Variants in STAT3 observed in about 807,000 individuals in gnomAD.
STAT3 encodes DNA-binding protein APRF.
Under a neutral mutation model 114.3 loss-of-function variants are expected in STAT3, and 7 were observed. The ratio of observed to expected loss-of-function variants is 0.06; its 90% confidence interval spans 0.03 to 0.11. STAT3 has a LOEUF of 0.11. Among genes scored for constraint, STAT3 ranks in the 10% least tolerant of loss-of-function variants. The pLI is 1.00. For missense variants in STAT3, 364 were observed against 960.9 expected (o/e 0.38, Z 8.21); for synonymous variants, 331 against 354.5 (o/e 0.93, Z 0.74).
chr17:42,320,727 T>TA (rs756271214), intron 21 of STAT3, among the ~76,000 whole-genome samples: 6,232 of 59,896 alleles, frequency 0.1, 691 homozygotes, highest in African/African-American at 0.29. Context: ...AGACTTAGTC[T>TA]AAAAAAAAAA....
chr17:42,336,555 A>G (rs1475382250), intron 8 of STAT3, among the ~76,000 whole-genome samples: 1 of 152,168 alleles, frequency 6.6e-6, no homozygotes, highest in African/African-American at 2.4e-5. Context: ...CCATGACTGC[A>G]TAACTGTACT....
chr17:42,331,568 G>A (rs1255502086), intron 10 of STAT3, 37 bp from the exon 11 acceptor site: 3 of 1,524,588 alleles, frequency 2.0e-6, no homozygotes, highest in Admixed American at 1.7e-5. Flanking sequence ...AAAAAAGTCA[G>A]TAACTCTCCC....
chr17:42,322,096 T>C (rs1345188547), intron 21 of STAT3, among the ~76,000 whole-genome samples, 186 bp downstream of exon 21: 1 of 152,194 alleles, frequency 6.6e-6, no homozygotes, highest in Admixed American at 6.5e-5. Flanking sequence ...CTACTCTAAG[T>C]GATTCTGATT....
intron 21 of STAT3, among the ~76,000 whole-genome samples, chr17:42,321,328 T>C (rs1005545014): frequency 1.3e-5 from 2 of 151,692 alleles, no homozygotes; most frequent in East Asian, 1.9e-4. Flanking sequence ...TCTCACTATG[T>C]TGTCTAGGCT....
intron 1 of STAT3, among the ~76,000 whole-genome samples, chr17:42,351,270 G>C (rs2082942762): frequency 6.6e-6 from 1 of 151,564 alleles, no homozygotes; most frequent in Non-Finnish European, 1.5e-5. Context: ...ATTTTTTGGA[G>C]ACAGGCACTC....
rs188588928 is a variant in STAT3, at chr17:42,314,394, G to A, written c.*1351C>T. 1.5e-5 allele frequency: 3 copies of A among 206,414 alleles called. No individual in the cohort carries two copies. Among genetic ancestry groups the A allele is most frequent in the South Asian group, 2.0e-4 (1 of 5,078 alleles). 12.8% of individuals were successfully genotyped at this position (206,414 alleles called of 1,614,324 possible). The stretch of plus-strand genomic sequence containing the variant: ...CCCCTCTTCTTCCATGAGGTCCTGA[G>A]ACCAGGATTCCTAAAACAAACAGGA... On this transcript the variant is annotated 3_prime_UTR_variant, in exon 24 of 24. Coordinates refer to ENST00000264657, the MANE Select transcript of STAT3 (RefSeq NM_139276.3).
intron 1 of STAT3, among the ~76,000 whole-genome samples, chr17:42,349,414 T>C (rs953445568): frequency 7.9e-5 from 12 of 152,236 alleles, no homozygotes; most frequent in African/African-American, 2.9e-4. Context: ...ACAGCCCTTT[T>C]AGTTATACAC....
intron 1 of STAT3, among the ~76,000 whole-genome samples, chr17:42,365,160 T>C (rs974109534): frequency 1.3e-5 from 2 of 152,182 alleles, no homozygotes; most frequent in Non-Finnish European, 2.9e-5. Flanking sequence ...CAATAGAGCA[T>C]GCTGAAAGCG....
chr17:42,321,372 G>T (rs548438717), intron 21 of STAT3, among the ~76,000 whole-genome samples: 9 of 151,680 alleles, frequency 5.9e-5, no homozygotes, highest in Non-Finnish European at 1.5e-5. Flanking sequence ...TGATCCTCCC[G>T]CCTGGGCCTC....
At position 42,333,647 on chromosome 17, in the gene STAT3, C is replaced by T. The variant is rs767738663; in HGVS notation, c.1049+26G>A. The T allele has an allele frequency of 1.2e-5, 20 of 1,613,406 alleles. No individual in the cohort carries two copies. In the Admixed American group the frequency reaches 3.3e-4, roughly 27 times the overall value. ...ACAGTGTCCCTCAGTAAAATCTCTA[C>T]TGGAAATGGAAGTGGCATGGCCTAC... is the stretch of plus-strand genomic sequence containing the variant. On this transcript the variant is annotated intron_variant, in intron 10 of 23. Transcript: ENST00000264657. The surrounding 1 kb of genome is among the most constrained non-coding windows in gnomAD (Gnocchi z 5.2).
At chr17:42,319,794 G>A (rs1214541951) in intron 21 of STAT3, among the ~76,000 whole-genome samples, 2 of 152,040 alleles carry the variant, frequency 1.3e-5, no homozygotes, top group African/African-American at 4.8e-5. Flanking sequence ...CATGCTCATC[G>A]TCCTGAAGGC....
At position 42,348,420 on chromosome 17, in the gene STAT3, A is replaced by C. The variant is rs1340218209; in HGVS notation, c.97T>G (p.Phe33Val). Residue 33 changes from phenylalanine to valine, a missense_variant, in exon 2 of 24, where the codon TTT becomes GTT. Phe to Val is a conservative substitution (Grantham distance 50). Around this residue, in one of 5 missense-constraint regions of STAT3, gnomAD observed 294 missense variants for 745.1 expected, o/e 0.39. Transcript: ENST00000264657. ...SDSFPMELRQ[F>V]LAPWIESQDW... is the part of the protein sequence containing the mutation. ...TGACTCTCAATCCAAGGGGCCAGAA[A>C]CTGCCGCAGCTCCATTGGGAAGCTG... 6.2e-7 allele frequency: 1 copy of C among 1,614,122 alleles called. No individual in the cohort carries two copies. The highest frequency in any genetic ancestry group is 8.5e-7 in the Non-Finnish European group (1 of 1,180,020).
At chr17:42,376,436 A>G (rs2084464615) in intron 1 of STAT3, among the ~76,000 whole-genome samples, 1 of 151,172 alleles carries the variant, frequency 6.6e-6, no homozygotes, top group Non-Finnish European at 1.5e-5. Context: ...AGTCCCAGCT[A>G]CTCAGGAGGC....
At position 42,346,661 on chromosome 17, in the gene STAT3, G is replaced by A. The variant is rs1440967884; in HGVS notation, c.181C>T (p.Leu61=). ...SHATLVFHNL[L]GEIDQQYSRF... Reference sequence around the variant, plus strand: ...CTATACTGCTGGTCAATCTCTCCCAGGAGATTATGAAACACCAAAGTGGCA... The same window carrying A: ...CTATACTGCTGGTCAATCTCTCCCAAGAGATTATGAAACACCAAAGTGGCA... The change falls in exon 3 of 24, where the codon CTG becomes TTG. Residue 61 remains leucine, a synonymous_variant. Coordinates refer to ENST00000264657, the MANE Select transcript of STAT3 (RefSeq NM_139276.3). 6.2e-7 allele frequency: 1 copy of A among 1,613,960 alleles called. No homozygotes were observed. Among genetic ancestry groups the A allele is most frequent in the Non-Finnish European group, 8.5e-7 (1 of 1,180,034 alleles).
At chr17:42,345,463 CTTCT>C in intron 4 of STAT3, 92 bp downstream of exon 4, 1 of 1,050,244 alleles carries the variant, frequency 9.5e-7, no homozygotes, top group Non-Finnish European at 1.4e-6. Flanking sequence ...ATTTCTTTTC[CTTCT>C]TTTTTAGTAG....
chr17:42,364,987 G>A (rs1265770392), intron 1 of STAT3, among the ~76,000 whole-genome samples: 1 of 152,164 alleles, frequency 6.6e-6, no homozygotes, highest in Non-Finnish European at 1.5e-5. Context: ...AAGTCCTTCA[G>A]TCAAAGGAAC....
intron 4 of STAT3, 170 bp downstream of exon 4, chr17:42,345,389 G>C (rs369533171): frequency 1.6e-6 from 1 of 632,924 alleles, no homozygotes. Flanking sequence ...ATGTATTTTG[G>C]GGGGTGGAAC....
At position 42,324,222 on chromosome 17, in the gene STAT3, G is replaced by T. The variant is rs2081603977; in HGVS notation, c.1600+489C>A. On this transcript the variant is annotated intron_variant, in intron 17 of 23. Coordinates refer to ENST00000264657, the MANE Select transcript of STAT3 (RefSeq NM_139276.3). The surrounding 1 kb of genome is among the most constrained non-coding windows in gnomAD (Gnocchi z 4.5). ...TAGTCTCAGCTACTCGGGAGGCCGA[G>T]GCAGAAGAATCGCTTGAACCCAGAA... Among the ~76,000 whole-genome samples the T allele has an allele frequency of 1.3e-5, 2 of 152,034 alleles. No individual in the cohort carries two copies.
At chr17:42,338,905 C>T in intron 5 of STAT3, 93 bp from the exon 6 acceptor site, 2 of 1,178,036 alleles carry the variant, frequency 1.7e-6, no homozygotes, top group Non-Finnish European at 2.5e-6. Flanking sequence ...TCAAATGAAG[C>T]CAAAACCTCA....
Sources: allele counts gnomAD v4.1 joint callset (sites outside exome capture counted in the v4.1 genomes callset), GRCh38; gene constraint gnomAD v4.1.1; regional missense constraint gnomAD v4.1.1; non-coding constraint Gnocchi (gnomAD v3.1); transcripts MANE v1.5; gene names NCBI Gene and HGNC (gene_info 2026-07-23, HGNC 2026-07-21).